ACP1: variants seen among roughly 807,000 people sequenced by gnomAD.
ACP1 encodes acid phosphatase 1.
Under a neutral mutation model 23.4 loss-of-function variants are expected in ACP1, and 23 were observed. The ratio of observed to expected loss-of-function variants is 0.98; its 90% CI spans 0.71 to 1.39. The LOEUF (loss-of-function observed/expected upper bound fraction) is 1.39, where lower values mean the gene tolerates loss of function less well. Among genes scored for constraint, ACP1 ranks in the 40% most tolerant of loss-of-function variants. The pLI is 0.00. For missense variants in ACP1, 180 were observed against 197.7 expected, an observed-to-expected ratio of 0.91 and a Z score of 0.54; for synonymous variants, 72 against 67.2, an observed-to-expected ratio of 1.07 and a Z score of -0.35.
intron 1 of ACP1, among the ~76,000 whole-genome samples, chr2:269,025 T>TA (rs1669964178): frequency 6.6e-6 from 1 of 152,222 alleles, no homozygotes; most frequent in African/African-American, 2.4e-5. Context: ...GATGCTGAGA[T>TA]ACTAGGCATC....
At chr2:275,358 T>TA (rs1670142899) in intron 4 of ACP1, 157 bp downstream of exon 4, 1 of 413,728 alleles carries the variant, frequency 2.4e-6, no homozygotes, top group Non-Finnish European at 4.4e-6. Flanking sequence ...GCAAAAAACT[T>TA]AGTAATCTAG....
At position 264,988 on chromosome 2, in the gene ACP1, C is replaced by A; in HGVS notation, c.24C>A (p.Ser8=). MAEQATK[S]VLFVCLGNIC... ...AGATGGCGGAACAGGCTACCAAGTCCGTGCTGTTTGTGTGTCTGGGTAAGA... is the reference window on the plus strand; with the variant it reads ...AGATGGCGGAACAGGCTACCAAGTCAGTGCTGTTTGTGTGTCTGGGTAAGA... Residue 8 remains serine (S), a synonymous_variant, in exon 1 of 6, where the codon TCC becomes TCA. Transcript: ENST00000272065. 6.2e-7 allele frequency: 1 copy of A among 1,613,248 alleles called. No individual in the cohort carries two copies. The highest frequency in any genetic ancestry group is 1.7e-5 in the Admixed American group (1 of 59,978).
At chr2:272,000 A>C (rs77825243) in intron 2 of ACP1, 37 bp from the exon 3 acceptor site, 39 of 511,614 alleles carry the variant, frequency 7.6e-5, no homozygotes, top group African/African-American at 1.2e-4. Flanking sequence ...GGAAATTGCA[A>C]AAAAAAAAAA....
chr2:270,369 G>A (rs973057593), intron 1 of ACP1, among the ~76,000 whole-genome samples: 1 of 152,158 alleles, frequency 6.6e-6, no homozygotes, highest in African/African-American at 2.4e-5. Context: ...CTGGCTCTCT[G>A]TACCTGAAGC....
intron 3 of ACP1, 127 bp downstream of exon 3, chr2:272,277 G>A: frequency 6.2e-7 from 1 of 1,613,934 alleles, no homozygotes; most frequent in East Asian, 2.2e-5. Flanking sequence ...AGAAATCATG[G>A]CATTCACACA....
intron 1 of ACP1, chr2:269,341 G>A (rs753034938): frequency 3.4e-5 from 16 of 470,296 alleles, no homozygotes; most frequent in Non-Finnish European, 6.6e-5. Flanking sequence ...GTCTCTGTGG[G>A]AAAAAAGTAC....
chr2:272,098 G>A lies in ACP1; in HGVS notation c.179G>A (p.Gly60Glu), dbSNP rs1130616. The A allele has an allele frequency of 6.2e-7, 1 of 1,614,214 alleles. No homozygotes were observed. Among genetic ancestry groups the A allele is most frequent in the Non-Finnish European group, 8.5e-7 (1 of 1,180,044 alleles). Residue 60 changes from glycine (G) to glutamate (E), a missense_variant, in exon 3 of 6, where the codon GGG becomes GAG. Physicochemically the swap from Gly to Glu is moderately conservative, Grantham distance 98. Transcript: ENST00000272065. ...YEIGNPPDYR[G>E]QSCMKRHGIP... Reference sequence around the variant, plus strand: ...ATAGGGAACCCCCCTGACTACCGAGGGCAGAGCTGCATGAAGAGGCACGGC... The same window carrying A: ...ATAGGGAACCCCCCTGACTACCGAGAGCAGAGCTGCATGAAGAGGCACGGC...
intron 1 of ACP1, among the ~76,000 whole-genome samples, chr2:270,283 A>G (rs1352202827): frequency 2.0e-5 from 3 of 152,154 alleles, no homozygotes; most frequent in Admixed American, 1.3e-4. Flanking sequence ...ATTTCTCCTC[A>G]TAGTGGCTAC....
At chr2:270,001 T>C (rs1429290847) in intron 1 of ACP1, among the ~76,000 whole-genome samples, 2 of 152,212 alleles carry the variant, frequency 1.3e-5, no homozygotes, top group South Asian at 4.1e-4. Flanking sequence ...ATGACCTTTA[T>C]GATGGGTGAG....
At chr2:265,844 C>T (rs192081397) in intron 1 of ACP1, among the ~76,000 whole-genome samples, 33 of 152,304 alleles carry the variant, frequency 2.2e-4, no homozygotes, top group African/African-American at 7.7e-4. Flanking sequence ...CTGCTCACAC[C>T]CTCGGGACAC....
At chr2:268,313 A>T (rs1023427695) in intron 1 of ACP1, among the ~76,000 whole-genome samples, 3 of 152,234 alleles carry the variant, frequency 2.0e-5, no homozygotes, top group Non-Finnish European at 4.4e-5. Context: ...AATGTAAAAA[A>T]CTTTGTTCAT....
chr2:274,162 C>G (rs1558264145), intron 3 of ACP1, among the ~76,000 whole-genome samples: 1 of 152,082 alleles, frequency 6.6e-6, no homozygotes, highest in Non-Finnish European at 1.5e-5. Flanking sequence ...GACCTTTTCT[C>G]TAAAAACAAA....
At chr2:269,329 C>T (rs1352238572) in intron 1 of ACP1, 4 of 470,638 alleles carry the variant, frequency 8.5e-6, no homozygotes, top group African/African-American at 6.0e-5. Context: ...GTGGAAACTA[C>T]AGTCTCTGTG....
chr2:274,579 G>A (rs1490445160), intron 3 of ACP1: 1 of 152,110 alleles, frequency 6.6e-6, no homozygotes, highest in East Asian at 1.9e-4. Context: ...TTCTTTCTTA[G>A]TGACCACCTC....
intron 3 of ACP1, chr2:272,368 G>A: frequency 6.5e-7 from 1 of 1,548,986 alleles, no homozygotes. Context: ...GTAGCGAAAG[G>A]ATTAACCAGA....
intron 1 of ACP1, among the ~76,000 whole-genome samples, chr2:271,024 C>T (rs749945372): frequency 3.0e-4 from 45 of 152,228 alleles, no homozygotes; most frequent in Middle Eastern, 6.8e-3. Flanking sequence ...GCCCTGATGT[C>T]GACATCGTGG....
At chr2:265,495 A>G (rs1001588921) in intron 1 of ACP1, among the ~76,000 whole-genome samples, 1 of 152,236 alleles carries the variant, frequency 6.6e-6, no homozygotes, top group African/African-American at 2.4e-5. Context: ...GTAAAAGCCA[A>G]GCAAAGGAGA....
At chr2:268,039 C>T (rs1296069553) in intron 1 of ACP1, among the ~76,000 whole-genome samples, 1 of 152,130 alleles carries the variant, frequency 6.6e-6, no homozygotes, top group Admixed American at 6.5e-5. Flanking sequence ...GACCATGAGC[C>T]GATTTTCAGA....
intron 1 of ACP1, 170 bp downstream of exon 1, chr2:265,177 C>CCCCGTGCA (rs1669822961): frequency 1.5e-6 from 1 of 661,352 alleles, no homozygotes. Context: ...TCCCCATCCG[C>CCCCGTGCA]CCCGTGCACC....
Sources: gnomAD v4.1 joint callset for allele counts (sites outside exome capture counted in the v4.1 genomes callset) on GRCh38, gnomAD v4.1.1 for gene constraint, MANE v1.5 for transcripts, NCBI Gene and HGNC (gene_info 2026-07-23, HGNC 2026-07-21) for gene names.